The following EFHD1 variants were observed in gnomAD, a reference collection of about 807,000 sequenced individuals.
EFHD1 encodes the protein EF-hand domain-containing protein D1.
A neutral mutation model predicts 17.2 loss-of-function variants in EFHD1; 10 were observed. The ratio of observed to expected loss-of-function variants is 0.58; its 90% CI spans 0.36 to 0.99. The LOEUF (loss-of-function observed/expected upper bound fraction) is 0.99. Among genes scored for constraint, EFHD1 ranks in the 50% least tolerant of loss-of-function variants. The probability of loss-of-function intolerance (pLI) is 0.01; values close to 1 mark genes in which losing one functional copy is unlikely to be tolerated. For synonymous variants in EFHD1, 153 were observed against 142.0 expected (o/e 1.08, Z -0.55); for missense variants, 310 against 327.5 (o/e 0.95, Z 0.41).
intron 1 of EFHD1, among the ~76,000 whole-genome samples, chr2:232,608,483 G>A (rs1693758891): frequency 6.6e-6 from 1 of 152,212 alleles, no homozygotes; most frequent in African/African-American, 2.4e-5. Context: ...TTGTCCTGCT[G>A]TATTGTTTTT....
intron 1 of EFHD1, among the ~76,000 whole-genome samples, chr2:232,628,338 CAT>C (rs1470540862): frequency 6.6e-6 from 1 of 152,154 alleles, no homozygotes; most frequent in African/African-American, 2.4e-5. Flanking sequence ...TGGGATTACA[CAT>C]GTGAGCCACT....
intron 1 of EFHD1, among the ~76,000 whole-genome samples, chr2:232,650,419 T>C (rs1321043046): frequency 1.4e-5 from 2 of 142,298 alleles, no homozygotes; most frequent in African/African-American, 5.2e-5. Context: ...CTCAGCCTCC[T>C]GAGTAGCTGG....
At position 232,681,639 on chromosome 2, in the gene EFHD1, G is replaced by C; in HGVS notation, c.640G>C (p.Asp214His). 6.2e-7 allele frequency: 1 copy of C among 1,614,264 alleles called. No homozygotes were observed. Among genetic ancestry groups the C allele is most frequent in the Non-Finnish European group, 8.5e-7 (1 of 1,180,036 alleles). ...KFEAELKAEQ[D>H]ERKREEEERR... The stretch of plus-strand genomic sequence containing the variant: ...TGAAGCAGAGTTGAAAGCTGAGCAA[G>C]ATGAGCGGAAGCGGGAGGAGGAGGA... Residue 214 changes from aspartate to histidine, a missense_variant, in exon 4 of 4, where the codon GAT becomes CAT. Transcript: ENST00000264059.
At chr2:232,645,664 A>G (rs1694514293) in intron 1 of EFHD1, among the ~76,000 whole-genome samples, 1 of 152,134 alleles carries the variant, frequency 6.6e-6, no homozygotes, top group Admixed American at 6.5e-5. Flanking sequence ...ATCATTGGGT[A>G]TCCCTAATGC....
chr2:232,627,062 ATATTTTT>A (rs1472582093), intron 1 of EFHD1, among the ~76,000 whole-genome samples: 40 of 109,524 alleles, frequency 3.7e-4, no homozygotes, highest in African/African-American at 1.3e-3. Context: ...ATATATATAT[ATATTTTT>A]TTTTTTTTTT....
chr2:232,634,083 C>T (rs1253524799), intron 1 of EFHD1, 77 bp downstream of exon 1: 1 of 1,560,038 alleles, frequency 6.4e-7, no homozygotes, highest in African/African-American at 1.4e-5. Context: ...AAGTCCCGGG[C>T]CCTGTTTGTG....
At chr2:232,642,548 G>T (rs1459770182) in intron 1 of EFHD1, among the ~76,000 whole-genome samples, 2 of 152,058 alleles carry the variant, frequency 1.3e-5, no homozygotes, top group Admixed American at 6.6e-5. Context: ...TTTTCAAGGG[G>T]GTGTACAGCT....
intron 3 of EFHD1, among the ~76,000 whole-genome samples, chr2:232,680,937 C>G (rs1186138530): frequency 1.3e-5 from 2 of 152,146 alleles, no homozygotes; most frequent in Admixed American, 6.5e-5. Context: ...GAGGCCAAGA[C>G]TGGTGGATCA....
chr2:232,612,169 A>T (rs574153196), intron 1 of EFHD1, among the ~76,000 whole-genome samples: 1 of 152,250 alleles, frequency 6.6e-6, no homozygotes, highest in Admixed American at 6.5e-5. Flanking sequence ...AGTTTGTAGC[A>T]TTGCAACTTT....
At chr2:232,628,727 C>T (rs1221311471), upstream of EFHD1, among the ~76,000 whole-genome samples, 1 of 152,090 alleles carries the variant, frequency 6.6e-6, no homozygotes, top group Non-Finnish European at 1.5e-5. Flanking sequence ...TTTCAGAGGG[C>T]GGGCAGGCAG....
intron 1 of EFHD1, among the ~76,000 whole-genome samples, chr2:232,646,894 G>A (rs1158247518): frequency 6.6e-6 from 1 of 152,242 alleles, no homozygotes; most frequent in African/African-American, 2.4e-5. Flanking sequence ...TGGCAGAGTG[G>A]GCACCTTGAC....
At chr2:232,664,594 A>C (rs1279163500) in intron 2 of EFHD1, among the ~76,000 whole-genome samples, 2 of 139,992 alleles carry the variant, frequency 1.4e-5, no homozygotes, top group Non-Finnish European at 3.1e-5. Context: ...CACTGTGGCC[A>C]TCCCCAAAAT....
Position 232,609,054 on chromosome 2 carries a change from C to CTTT in EFHD1, c.14+2903_14+2905dup, listed in dbSNP as rs1244427931. Among the ~76,000 whole-genome samples the CTTT allele has an allele frequency of 1.3e-3, 103 of 82,258 alleles. 2 individuals carry two copies. The highest frequency in any genetic ancestry group is 2.0e-3 in the Admixed American group (12 of 6,104). 54.0% of individuals were successfully genotyped at this position (82,258 alleles called of 152,430 possible). On this transcript the variant is annotated intron_variant, in intron 1 of 3. Coordinates refer to the EFHD1 transcript ENST00000409613. ...GTTTAAAACATGAGATGCATAAGTT[C>CTTT]TTTTTTTTTTTTTTTTTTTTTTTTA...
intron 1 of EFHD1, among the ~76,000 whole-genome samples, chr2:232,627,607 T>C (rs1694130163): frequency 6.6e-6 from 1 of 152,128 alleles, no homozygotes; most frequent in Non-Finnish European, 1.5e-5. Context: ...ACAAAACAAA[T>C]TGCAACAAAT....
intron 1 of EFHD1, among the ~76,000 whole-genome samples, chr2:232,637,531 A>T (rs1202677365): frequency 6.6e-6 from 1 of 151,656 alleles, no homozygotes; most frequent in Non-Finnish European, 1.5e-5. Context: ...TTTAGTAGAG[A>T]TGGGGTTTCA....
chr2:232,613,372 C>T (rs1464678645), intron 1 of EFHD1, among the ~76,000 whole-genome samples: 2 of 151,846 alleles, frequency 1.3e-5, no homozygotes, highest in East Asian at 1.9e-4. Flanking sequence ...TGCAGTGAGC[C>T]GAGATCACGC....
chr2:232,681,527 C>A, intron 3 of EFHD1, 58 bp from the exon 4 acceptor site: 1 of 1,582,338 alleles, frequency 6.3e-7, no homozygotes, highest in Non-Finnish European at 8.6e-7. Flanking sequence ...GTGTCAGCAG[C>A]TCCAGGGTCC....
upstream of EFHD1, among the ~76,000 whole-genome samples, chr2:232,632,489 G>T (rs2106192213): frequency 6.6e-6 from 1 of 152,326 alleles, no homozygotes; most frequent in South Asian, 2.1e-4. Flanking sequence ...ACGCCTGGCT[G>T]ATGTAACAGC....
chr2:232,636,771 C>T lies in EFHD1; in HGVS notation c.302+2765C>T, dbSNP rs560107587. ...CTGGGAGGTGGAGGTTGCAGTGAGC[C>T]GAGATCACGCCATTGCACTCTAGCC... On this transcript the variant is annotated intron_variant, in intron 1 of 3. Transcript: ENST00000264059. Among the ~76,000 whole-genome samples the T allele has an allele frequency of 4.6e-5, 7 of 152,266 alleles. No individual in the cohort carries two copies. In the East Asian group the frequency reaches 5.8e-4, roughly 13 times the overall value.
Sources: allele counts gnomAD v4.1 joint callset (sites outside exome capture counted in the v4.1 genomes callset), GRCh38; gene constraint gnomAD v4.1.1; transcripts MANE v1.5; gene names NCBI Gene and HGNC (gene_info 2026-07-23, HGNC 2026-07-21).